TENT2: variants seen among roughly 807,000 people sequenced by gnomAD.
TENT2 encodes the protein poly(A) RNA polymerase GLD2.
In TENT2, 44 loss-of-function variants were observed where a neutral mutation model predicts 72.2. The ratio of observed to expected loss-of-function variants is 0.61; its 90% CI spans 0.48 to 0.78. The LOEUF (loss-of-function observed/expected upper bound fraction) is 0.78. Among genes scored for constraint, TENT2 ranks in the 30% least tolerant of loss-of-function variants. The probability of loss-of-function intolerance (pLI) is 0.00; values close to 1 mark genes in which losing one functional copy is unlikely to be tolerated. For missense variants in TENT2, 541 were observed against 569.6 expected (o/e 0.95, Z 0.51); for synonymous variants, 212 against 192.5 (o/e 1.10, Z -0.84).
chr5:79,621,315 C>T (rs891595712), intron 3 of TENT2, among the ~76,000 whole-genome samples: 5 of 152,158 alleles, frequency 3.3e-5, no homozygotes, highest in African/African-American at 7.2e-5. Context: ...TGTTGTATGT[C>T]TCTGAGTCAT....
chr5:79,615,751 C>T (rs1327842617), intron 1 of TENT2, among the ~76,000 whole-genome samples: 4 of 151,282 alleles, frequency 2.6e-5, no homozygotes, highest in African/African-American at 9.7e-5. Context: ...GCTCTGTTGA[C>T]CAGGCTGGAG....
chr5:79,614,425 C>G (rs6883691), intron 1 of TENT2, among the ~76,000 whole-genome samples: 1 of 151,998 alleles, frequency 6.6e-6, no homozygotes, highest in Non-Finnish European at 1.5e-5. Context: ...TCTTTTACTA[C>G]CTTGTCTCAT....
At chr5:79,645,938 A>G (rs989345418) in intron 8 of TENT2, among the ~76,000 whole-genome samples, 10 of 152,176 alleles carry the variant, frequency 6.6e-5, no homozygotes, top group African/African-American at 2.2e-4. Flanking sequence ...AACTGCCTAC[A>G]TGAATATTCA....
chr5:79,633,275 A>G (rs139379593), intron 4 of TENT2, among the ~76,000 whole-genome samples: 66 of 152,258 alleles, frequency 4.3e-4, no homozygotes, highest in East Asian at 9.6e-4. Flanking sequence ...TTTTATTGCA[A>G]TGTTTATATG....
chr5:79,643,560 G>T (rs1421618333), intron 7 of TENT2, among the ~76,000 whole-genome samples: 1 of 152,178 alleles, frequency 6.6e-6, no homozygotes, highest in Non-Finnish European at 1.5e-5. Flanking sequence ...TTGTTGAACA[G>T]ACATTCATTA....
Position 79,642,848 on chromosome 5 carries a change from A to G in TENT2, c.689A>G (p.Asn230Ser), listed in dbSNP as rs1208679537. The G allele has an allele frequency of 3.0e-5, 49 of 1,610,914 alleles. No homozygotes were observed. Among genetic ancestry groups the G allele is most frequent in the Non-Finnish European group, 4.1e-5 (48 of 1,178,776 alleles). ...VKEEPCFFQV[N>S]QKTEARHILT... is the part of the protein sequence containing the mutation. ...ACTTTTCAGTGTTTTTTTCAGGTAA[A>G]TCAGAAGACTGAAGCACGGCATATA... Residue 230 changes from asparagine (N) to serine (S), a missense_variant, in exon 7 of 15, where the codon AAT becomes AGT. Transcript: ENST00000453514.
intron 11 of TENT2, among the ~76,000 whole-genome samples, chr5:79,666,367 TTTTC>T (rs1284636678): frequency 9.7e-4 from 148 of 151,822 alleles, no homozygotes; most frequent in African/African-American, 3.4e-3. Context: ...TGGGGATGTC[TTTTC>T]TTTCTTTTTT....
chr5:79,627,810 C>T (rs1021744646), intron 4 of TENT2, among the ~76,000 whole-genome samples: 2 of 152,184 alleles, frequency 1.3e-5, no homozygotes, highest in African/African-American at 4.8e-5. Context: ...GAGTGCCACT[C>T]TCTACCTGCC....
chr5:79,683,270 G>C (rs373880322), intron 14 of TENT2, among the ~76,000 whole-genome samples: 45 of 151,680 alleles, frequency 3.0e-4, no homozygotes, highest in Non-Finnish European at 5.3e-4. Context: ...CCTGGGCAAC[G>C]CATAGCAAGA....
chr5:79,636,498 C>G (rs576628087), intron 4 of TENT2, among the ~76,000 whole-genome samples: 2 of 152,190 alleles, frequency 1.3e-5, no homozygotes, highest in African/African-American at 4.8e-5. Flanking sequence ...GTATAGAAGT[C>G]AGGTAGGTTA....
At chr5:79,632,348 G>A (rs1776281661) in intron 4 of TENT2, among the ~76,000 whole-genome samples, 1 of 151,958 alleles carries the variant, frequency 6.6e-6, no homozygotes, top group Admixed American at 6.6e-5. Context: ...TCTTTTTTAA[G>A]TTACTGTGTT....
chr5:79,673,970 A>G (rs1405889636), intron 12 of TENT2, among the ~76,000 whole-genome samples: 2 of 152,232 alleles, frequency 1.3e-5, no homozygotes, highest in Non-Finnish European at 2.9e-5. Context: ...TTTACAGGAA[A>G]TGCAAGGGAT....
rs1756268469 is a variant in TENT2 at position 79,612,860 on chromosome 5, T to C, written c.-253T>C. 6.6e-6 allele frequency: 1 copy of C among 152,448 alleles called. No individual in the cohort carries two copies. The highest frequency in any genetic ancestry group is 6.5e-5 in the Admixed American group (1 of 15,280). The allele number at this position is 152,448 out of a possible 1,614,324, so 9.4% of individuals were successfully genotyped here. A position where few individuals can be genotyped will look rare whatever the true frequency, so the allele number is the denominator to read the frequency against. On this transcript the variant is annotated 5_prime_UTR_variant, in exon 1 of 15. Transcript: ENST00000453514. Reference sequence around the variant, plus strand: ...AAACTTTTCCGAAACGGTAGCGTTTTGTTTTGCGTGGGAGGTTCCAGCAGT... The same window carrying C: ...AAACTTTTCCGAAACGGTAGCGTTTCGTTTTGCGTGGGAGGTTCCAGCAGT...
chr5:79,642,100 A>T (rs1055544812), intron 6 of TENT2, among the ~76,000 whole-genome samples: 1 of 152,078 alleles, frequency 6.6e-6, no homozygotes, highest in Non-Finnish European at 1.5e-5. Flanking sequence ...TGATTAATTA[A>T]GCTCAGTGTA....
intron 4 of TENT2, among the ~76,000 whole-genome samples, chr5:79,627,204 A>T (rs1771026921): frequency 6.6e-6 from 1 of 151,960 alleles, no homozygotes; most frequent in Admixed American, 6.6e-5. Context: ...GGAATTTATA[A>T]TGATAAACTA....
Position 79,658,734 on chromosome 5 carries a change from C to G in TENT2, c.1071+1733C>G, listed in dbSNP as rs1382006691. The stretch of plus-strand genomic sequence containing the variant: ...TTAAAACCCTATGCTACATGAAGCT[C>G]TTTTTACTAATATAGGAGACTGGCG... On this transcript the variant is annotated intron_variant, in intron 11 of 14. Transcript: ENST00000453514. Among the ~76,000 whole-genome samples the G allele has an allele frequency of 3.3e-5, 5 of 152,138 alleles. 1 individual carries two copies. Among genetic ancestry groups the G allele is most frequent in the Non-Finnish European group, 7.4e-5 (5 of 68,020 alleles).
chr5:79,664,875 T>G (rs1806119621), intron 11 of TENT2, among the ~76,000 whole-genome samples: 1 of 152,166 alleles, frequency 6.6e-6, no homozygotes, highest in Non-Finnish European at 1.5e-5. Context: ...GAACGCTAAG[T>G]AACTTGATTA....
chr5:79,658,630 A>G (rs1393949190), intron 11 of TENT2, among the ~76,000 whole-genome samples: 1 of 152,176 alleles, frequency 6.6e-6, no homozygotes, highest in African/African-American at 2.4e-5. Context: ...AGAGTTGCAT[A>G]TGTTCTTTAG....
intron 1 of TENT2, among the ~76,000 whole-genome samples, chr5:79,619,053 C>G (rs977733521): frequency 6.6e-6 from 1 of 152,188 alleles, no homozygotes; most frequent in African/African-American, 2.4e-5. Context: ...GTGAAGGATT[C>G]TGATTGCTTT....
Sources: gnomAD v4.1 joint callset for allele counts (sites outside exome capture counted in the v4.1 genomes callset) on GRCh38, gnomAD v4.1.1 for gene constraint, MANE v1.5 for transcripts, NCBI Gene and HGNC (gene_info 2026-07-23, HGNC 2026-07-21) for gene names.